DCDC2: variants seen among roughly 807,000 people sequenced by gnomAD.
DCDC2 encodes doublecortin domain containing 2, also known as doublecortin domain-containing protein 2.
A neutral mutation model predicts 50.2 loss-of-function variants in DCDC2; 40 were observed. The observed-to-expected ratio is 0.80, with a 90% CI of 0.62 to 1.04. The LOEUF is 1.04. Among genes scored for constraint, DCDC2 ranks in the 50% least tolerant of loss-of-function variants. DCDC2 has a pLI of 0.00. For missense variants in DCDC2, 570 were observed against 581.9 expected (o/e 0.98, Z 0.21); for synonymous variants, 234 against 210.6 (o/e 1.11, Z -0.96).
intron 2 of DCDC2, among the ~76,000 whole-genome samples, chr6:24,315,985 G>C (rs1759653218): frequency 6.6e-6 from 1 of 152,202 alleles, no homozygotes; most frequent in Non-Finnish European, 1.5e-5. Context: ...GTTTGCAGTA[G>C]AAGCTGGAAC....
chr6:24,240,988 G>A (rs1403216065), intron 7 of DCDC2, among the ~76,000 whole-genome samples: 1 of 152,192 alleles, frequency 6.6e-6, no homozygotes, highest in Non-Finnish European at 1.5e-5. Context: ...AGGAACAATG[G>A]AAGTAATTTG....
At chr6:24,289,827 G>T (rs1763699919) in intron 5 of DCDC2, among the ~76,000 whole-genome samples, 1 of 152,056 alleles carries the variant, frequency 6.6e-6, no homozygotes, top group Non-Finnish European at 1.5e-5. Flanking sequence ...GTGATATTCT[G>T]CTCTACTTCT....
rs140734821 is a variant in DCDC2 at position 24,201,587 on chromosome 6, A to G, written c.1023+3415T>C. On this transcript the variant is annotated intron_variant, in intron 8 of 9. Transcript: ENST00000378454. Reference sequence around the variant, plus strand: ...AATCTATATCCTAACATCACAATTAAAAGAACTAGAGAAGCAAGAGCAAAC... The same window carrying G: ...AATCTATATCCTAACATCACAATTAGAAGAACTAGAGAAGCAAGAGCAAAC... Among the ~76,000 whole-genome samples, 299 of 152,298 alleles carry G rather than the reference A, an allele frequency of 2.0e-3. 1 individual carries two copies. The highest frequency in any genetic ancestry group is 6.5e-3 in the African/African-American group (269 of 41,556).
intron 7 of DCDC2, among the ~76,000 whole-genome samples, chr6:24,238,824 G>C (rs1321096394): frequency 1.3e-5 from 2 of 152,144 alleles, no homozygotes; most frequent in Non-Finnish European, 2.9e-5. Context: ...AAGATTACAG[G>C]GAATAGATTA....
intron 8 of DCDC2, 126 bp downstream of exon 8, chr6:24,204,876 A>T: frequency 4.8e-6 from 4 of 834,476 alleles, no homozygotes; most frequent in Non-Finnish European, 7.5e-6. Context: ...AAGGTTGATC[A>T]GCCACATAGT....
rs191309983 is a variant in DCDC2, at chr6:24,351,560, G to A, written c.348+2009C>T. On this transcript the variant is annotated intron_variant, in intron 2 of 9. Transcript: ENST00000378454. ...GAGAAGAAATAAAAGGCCACAGCAG[G>A]GCAGCAAGAGGAAAGGAGTAAGTGG... is the stretch of plus-strand genomic sequence containing the variant. Among the ~76,000 whole-genome samples, 10 of 152,308 alleles carry A rather than the reference G, an allele frequency of 6.6e-5. No homozygotes were observed. The East Asian group carries it at 7.7e-4, about 12-fold the overall frequency.
In DCDC2 at chr6:24,172,432, T is replaced by G. The variant is rs1017105089; in HGVS notation, c.*2298A>C. The G allele has an allele frequency of 6.6e-6, 1 of 152,192 alleles. No individual in the cohort carries two copies. 9.4% of individuals were successfully genotyped at this position (152,192 alleles called of 1,614,324 possible). The stretch of plus-strand genomic sequence containing the variant: ...TTAAAATACCAAACGTTATTATTCA[T>G]GTAAAATATCAATGTTGTGCTTCAT... On this transcript the variant is annotated 3_prime_UTR_variant, in exon 10 of 10. Transcript: ENST00000378454.
rs1250807619 is a variant in DCDC2 at position 24,174,712 on chromosome 6, T to G, written c.*18A>C. 6.4e-6 allele frequency: 10 copies of G among 1,558,442 alleles called. No homozygotes were observed. Among genetic ancestry groups the G allele is most frequent in the Non-Finnish European group, 8.8e-6 (10 of 1,130,200 alleles). ...TTCATTTTTCTTGCGATCCATATAC[T>G]CTCTTTTTAAAAATGTTCTAAGCCA... On this transcript the variant is annotated 3_prime_UTR_variant, in exon 10 of 10. Coordinates refer to ENST00000378454, the MANE Select transcript of DCDC2 (RefSeq NM_016356.5).
chr6:24,301,463 AAG>A (rs1759373093), intron 4 of DCDC2, among the ~76,000 whole-genome samples: 1 of 152,118 alleles, frequency 6.6e-6, no homozygotes, highest in Non-Finnish European at 1.5e-5. Context: ...CTCTAAATCA[AAG>A]AATAAAAATC....
chr6:24,358,807 TATATATAAATATATA>T (rs1760540684), upstream of DCDC2, among the ~76,000 whole-genome samples: 1 of 36,728 alleles, frequency 2.7e-5, no homozygotes, highest in Non-Finnish European at 5.1e-5. Context: ...TTTTATATAT[TATATATAAATATATA>T]TATTATATTT....
chr6:24,359,795 AAC>A (rs2127260891), upstream of DCDC2, among the ~76,000 whole-genome samples: 1 of 118,498 alleles, frequency 8.4e-6, no homozygotes, highest in African/African-American at 2.6e-5. Context: ...ATGAATGAGA[AAC>A]AGAGCGAAGA....
At chr6:24,247,287 G>C (rs1762698714) in intron 7 of DCDC2, among the ~76,000 whole-genome samples, 2 of 152,018 alleles carry the variant, frequency 1.3e-5, no homozygotes, top group South Asian at 4.1e-4. Flanking sequence ...CTCAGTGATA[G>C]AGCAAGACCT....
intron 7 of DCDC2, among the ~76,000 whole-genome samples, chr6:24,227,315 G>C (rs983887588): frequency 1.4e-4 from 21 of 152,262 alleles, no homozygotes; most frequent in African/African-American, 5.1e-4. Context: ...TCTTCCCAGG[G>C]AATTTGTACT....
In DCDC2 at chr6:24,173,054, G is replaced by C. The variant is rs1173599484; in HGVS notation, c.*1676C>G. On this transcript the variant is annotated 3_prime_UTR_variant, in exon 10 of 10. Coordinates refer to ENST00000378454, the MANE Select transcript of DCDC2 (RefSeq NM_016356.5). Reference sequence around the variant, plus strand: ...TTGGTCTATTTGCCTACCAACCCAAGATTGTTGCTTATAGCCCACAGTGCT... The same window carrying C: ...TTGGTCTATTTGCCTACCAACCCAACATTGTTGCTTATAGCCCACAGTGCT... 6.8e-6 allele frequency: 1 copy of C among 148,036 alleles called. No individual in the cohort carries two copies. The highest frequency in any genetic ancestry group is 2.4e-5 in the African/African-American group (1 of 40,908). The allele number at this position is 148,036 out of a possible 1,614,324, so 9.2% of individuals were successfully genotyped here.
chr6:24,372,332 T>G, the DCDC2 span, among the ~76,000 whole-genome samples: 1 of 151,312 alleles, frequency 6.6e-6, no homozygotes, highest in East Asian at 2.0e-4. Flanking sequence ...GGCAGGAGAA[T>G]GGCGTGAACC....
At chr6:24,242,972 A>G (rs1301514099) in intron 7 of DCDC2, among the ~76,000 whole-genome samples, 1 of 145,058 alleles carries the variant, frequency 6.9e-6, no homozygotes, top group Non-Finnish European at 1.5e-5. Context: ...AAAAAAAAAA[A>G]GAAAAGGAAA....
At chr6:24,205,415 A>G (rs1761698705) in intron 7 of DCDC2, 2 of 1,279,244 alleles carry the variant, frequency 1.6e-6, no homozygotes, top group South Asian at 1.6e-5. Flanking sequence ...GAAGAAATTC[A>G]CAAGTATCAT....
intron 7 of DCDC2, among the ~76,000 whole-genome samples, chr6:24,258,235 T>G (rs1182223916): frequency 6.6e-6 from 1 of 152,146 alleles, no homozygotes; most frequent in Non-Finnish European, 1.5e-5. Flanking sequence ...TTCCACAGCG[T>G]GCAAGTGGAC....
intron 8 of DCDC2, among the ~76,000 whole-genome samples, chr6:24,193,434 T>C (rs1358990919): frequency 2.0e-5 from 3 of 152,004 alleles, no homozygotes; most frequent in African/African-American, 7.2e-5. Flanking sequence ...ACTGGAGGGA[T>C]TGAGAAAAAA....
Sources: allele counts gnomAD v4.1 joint callset (sites outside exome capture counted in the v4.1 genomes callset), GRCh38; gene constraint gnomAD v4.1.1; transcripts MANE v1.5; gene names NCBI Gene and HGNC (gene_info 2026-07-23, HGNC 2026-07-21).